The following ANK3 variants were observed in gnomAD, a reference collection of about 807,000 sequenced individuals.
The protein encoded by ANK3 is ankyrin 3.
ANK3 carries 57 observed loss-of-function variants against 370.9 expected under a neutral mutation model. That is an observed-to-expected ratio of 0.15 (90% confidence interval 0.12 to 0.19). The LOEUF (loss-of-function observed/expected upper bound fraction) is 0.19, where lower values mean the gene tolerates loss of function less well. Ranked by LOEUF, ANK3 falls within the 10% of genes least tolerant of loss-of-function variation. The pLI is 1.00. For missense variants in ANK3, 4,439 were observed against 5,302.1 expected (o/e 0.84, Z 5.06); for synonymous variants, 1,929 against 1,946.3 (o/e 0.99, Z 0.23).
intron 35 of ANK3, 42 bp from the exon 36 acceptor site, chr10:60,080,660 C>G: frequency 4.2e-6 from 6 of 1,414,508 alleles, no homozygotes; most frequent in Non-Finnish European, 5.8e-6. Context: ...TTCCAACTTC[C>G]CTGTGACATC....
intron 2 of ANK3, among the ~76,000 whole-genome samples, chr10:60,597,262 C>G (rs1595335904): frequency 6.6e-6 from 1 of 152,214 alleles, no homozygotes; most frequent in East Asian, 1.9e-4. Context: ...GTTCTTTCTT[C>G]TTTTGATCTG....
At chr10:60,417,932 T>C (rs10761496) in intron 2 of ANK3, among the ~76,000 whole-genome samples, 115,548 of 152,110 alleles carry the variant, frequency 0.76, 43,949 homozygotes, top group South Asian at 0.91. Context: ...ATTTTGCTTT[T>C]ACCACATACA....
intron 2 of ANK3, among the ~76,000 whole-genome samples, chr10:60,464,479 G>T (rs2064964257): frequency 6.6e-6 from 1 of 150,624 alleles, no homozygotes; most frequent in South Asian, 2.1e-4. Context: ...TGGACAGGGA[G>T]ATAGGCTGTC....
intron 2 of ANK3, among the ~76,000 whole-genome samples, chr10:60,528,089 A>G (rs549315564): frequency 1.3e-5 from 2 of 151,738 alleles, no homozygotes; most frequent in South Asian, 4.2e-4. Flanking sequence ...TCTGAATAAC[A>G]GCCTTTATAA....
intron 8 of ANK3, among the ~76,000 whole-genome samples, chr10:60,221,613 A>G (rs1339203429): frequency 6.6e-6 from 1 of 152,218 alleles, no homozygotes; most frequent in East Asian, 1.9e-4. Context: ...GATTAGTGCT[A>G]TAAGAGTATA....
At chr10:60,583,525 G>GTT (rs112679282) in intron 2 of ANK3, among the ~76,000 whole-genome samples, 3 of 87,480 alleles carry the variant, frequency 3.4e-5, no homozygotes, top group Non-Finnish European at 7.0e-5. Flanking sequence ...TTTGTTTTTT[G>GTT]TTTTTTTTTG....
chr10:60,191,271 A>G (rs1261529189), intron 16 of ANK3, among the ~76,000 whole-genome samples: 2 of 152,186 alleles, frequency 1.3e-5, no homozygotes, highest in African/African-American at 4.8e-5. Context: ...TGCATAGCAA[A>G]AGAGATAATC....
In ANK3 at chr10:60,042,771, G is replaced by GT. The variant is rs753124035; in HGVS notation, c.13066-13dup. 7 of 1,612,294 alleles carry GT rather than the reference G, an allele frequency of 4.3e-6. No individual in the cohort carries two copies. The highest frequency in any genetic ancestry group is 4.2e-6 in the Non-Finnish European group (5 of 1,179,904). On this transcript the variant is annotated splice_polypyrimidine_tract_variant and intron_variant, in intron 42 of 43. Coordinates refer to ENST00000280772, the MANE Select transcript of ANK3 (RefSeq NM_020987.5). ...AAACCTTCTCCCTGCTTTGAAAGGA[G>GT]TGTACATATTAAGATTTCACAGTGA... is the stretch of plus-strand genomic sequence containing the variant.
intron 26 of ANK3, 102 bp downstream of exon 26, chr10:60,114,123 T>C (rs894025155): frequency 6.0e-6 from 3 of 499,708 alleles, no homozygotes; most frequent in East Asian, 3.2e-5. Flanking sequence ...TACATGAATG[T>C]ATTCATATAT....
chr10:60,406,868 C>T lies in ANK3; in HGVS notation c.97-127229G>A, dbSNP rs544471392. 7.2e-5 allele frequency among the ~76,000 whole-genome samples: 11 copies of T among 152,228 alleles called. No individual in the cohort carries two copies. In the Middle Eastern group the frequency reaches 0.01, roughly 141 times the overall value. The stretch of plus-strand genomic sequence containing the variant: ...TTTTTGTCTTTTTTCATTACCTTGC[C>T]TTTTCCTCATTCACCATTTTTTGCC... On this transcript the variant is annotated intron_variant, in intron 2 of 43. Transcript: ENST00000373827.
intron 2 of ANK3, among the ~76,000 whole-genome samples, chr10:60,509,372 AT>A: frequency 6.6e-6 from 1 of 152,296 alleles, no homozygotes; most frequent in South Asian, 2.1e-4. Context: ...TTAAACAATT[AT>A]TTGAGGCATA....
intron 1 of ANK3, among the ~76,000 whole-genome samples, chr10:60,732,070 A>C (rs2080030103): frequency 1.3e-5 from 2 of 152,216 alleles, no homozygotes; most frequent in African/African-American, 4.8e-5. Context: ...GCAATTCTAC[A>C]TAACTTAAAA....
intron 8 of ANK3, among the ~76,000 whole-genome samples, chr10:60,227,528 C>A (rs2097181364): frequency 6.6e-6 from 1 of 152,022 alleles, no homozygotes; most frequent in South Asian, 2.1e-4. Flanking sequence ...TTCTCCTTTG[C>A]CTGTTGGACT....
intron 28 of ANK3, among the ~76,000 whole-genome samples, chr10:60,089,458 G>GTT (rs1233021873): frequency 8.5e-6 from 1 of 117,088 alleles, no homozygotes; most frequent in Non-Finnish European, 1.8e-5. Flanking sequence ...GTCCATCCAG[G>GTT]TTGTGTGTGT....
chr10:60,240,896 T>C (rs1055629414), intron 7 of ANK3, among the ~76,000 whole-genome samples: 1 of 152,250 alleles, frequency 6.6e-6, no homozygotes, highest in Non-Finnish European at 1.5e-5. Context: ...TGGTGAGATA[T>C]TAATCCAAAC....
intron 1 of ANK3, among the ~76,000 whole-genome samples, chr10:60,363,608 CTG>C (rs1459513594): frequency 6.6e-5 from 10 of 152,344 alleles, no homozygotes; most frequent in African/African-American, 2.4e-4. Context: ...ACTTCTCCGA[CTG>C]TGATGGCCCC....
intron 43 of ANK3, among the ~76,000 whole-genome samples, chr10:60,040,252 C>T (rs190678957): frequency 6.6e-6 from 1 of 151,680 alleles, no homozygotes; most frequent in East Asian, 1.9e-4. Context: ...CCATCTAAGA[C>T]TCAGTCATAT....
intron 2 of ANK3, among the ~76,000 whole-genome samples, chr10:60,562,932 A>G (rs376247840): frequency 9.2e-5 from 14 of 152,320 alleles, no homozygotes; most frequent in African/African-American, 2.9e-4. Context: ...AAGCAGGTAC[A>G]ATGACTCAAA....
chr10:60,354,655 T>C (rs1202866333), intron 1 of ANK3, among the ~76,000 whole-genome samples: 1 of 152,116 alleles, frequency 6.6e-6, no homozygotes, highest in Non-Finnish European at 1.5e-5. Context: ...ACATATAACA[T>C]AAAAATAGCT....
Sources: gnomAD v4.1 joint callset for allele counts (sites outside exome capture counted in the v4.1 genomes callset) on GRCh38, gnomAD v4.1.1 for gene constraint, MANE v1.5 for transcripts, NCBI Gene and HGNC (gene_info 2026-07-23, HGNC 2026-07-21) for gene names.